RNF212B: variants seen among roughly 807,000 people sequenced by gnomAD.
The protein encoded by RNF212B is E3 ubiquitin-protein ligase RNF212B.
In RNF212B, 52 loss-of-function variants were observed where a neutral mutation model predicts 55.5. That is an observed-to-expected ratio of 0.94 (90% CI 0.75 to 1.18). RNF212B has a LOEUF of 1.18. Among genes scored for constraint, RNF212B ranks in the 50% most tolerant of loss-of-function variants. RNF212B has a pLI of 0.00. For missense variants in RNF212B, 289 were observed against 350.4 expected (o/e 0.82, Z 1.40); for synonymous variants, 99 against 121.4 (o/e 0.82, Z 1.21).
intron 4 of RNF212B, among the ~76,000 whole-genome samples, chr14:23,245,935 G>A (rs1048957474): frequency 1.3e-5 from 2 of 152,130 alleles, no homozygotes; most frequent in Admixed American, 1.3e-4. Context: ...ATGAATGAAT[G>A]AATGGAATGT....
chr14:23,191,372 A>G (rs560197838), intron 1 of RNF212B, among the ~76,000 whole-genome samples: 1 of 151,410 alleles, frequency 6.6e-6, no homozygotes, highest in African/African-American at 2.4e-5. Context: ...AAAAAAAGCA[A>G]GAAAGTCCAC....
intron 2 of RNF212B, among the ~76,000 whole-genome samples, chr14:23,212,080 A>G (rs1259792616): frequency 1.3e-5 from 2 of 152,196 alleles, no homozygotes; most frequent in Admixed American, 1.3e-4. Flanking sequence ...ACACAATCCA[A>G]TATCCAATCC....
intron 2 of RNF212B, among the ~76,000 whole-genome samples, chr14:23,197,894 G>A (rs1878887444): frequency 6.6e-6 from 1 of 151,968 alleles, no homozygotes; most frequent in Non-Finnish European, 1.5e-5. Context: ...TAGGATTTGG[G>A]AAGGTAATGG....
chr14:23,241,878 T>C (rs923863529), intron 2 of RNF212B, among the ~76,000 whole-genome samples: 1 of 150,640 alleles, frequency 6.6e-6, no homozygotes, highest in African/African-American at 2.4e-5. Context: ...GGTCGGGAGA[T>C]TGAGACCATC....
At chr14:23,232,398 TCCGCCCGGCAGCCGCC>T (rs1447636935) in intron 2 of RNF212B, among the ~76,000 whole-genome samples, 46 of 148,538 alleles carry the variant, frequency 3.1e-4, no homozygotes, top group African/African-American at 1.1e-3. Flanking sequence ...GAGGATCCCC[TCCGCCCGGCAGCCGCC>T]CTGTCTGAGA....
At chr14:23,186,014 C>T (rs1030611551) in intron 1 of RNF212B, among the ~76,000 whole-genome samples, 10 of 152,042 alleles carry the variant, frequency 6.6e-5, no homozygotes, top group African/African-American at 1.4e-4. Flanking sequence ...GTGGGAGGAT[C>T]GTGTGAGCCA....
chr14:23,232,046 G>A (rs1332257509), intron 2 of RNF212B, among the ~76,000 whole-genome samples: 1 of 152,228 alleles, frequency 6.6e-6, no homozygotes, highest in Non-Finnish European at 1.5e-5. Flanking sequence ...CGAGATTGCA[G>A]CCTCTGCCCG....
intron 14 of RNF212B, among the ~76,000 whole-genome samples, chr14:23,271,880 T>A (rs1886110892): frequency 6.6e-6 from 1 of 152,192 alleles, no homozygotes; most frequent in Admixed American, 6.5e-5. Flanking sequence ...TATTAAATAA[T>A]TGTTAACATT....
chr14:23,197,915 T>C (rs1465485429), intron 2 of RNF212B, among the ~76,000 whole-genome samples: 1 of 151,868 alleles, frequency 6.6e-6, no homozygotes, highest in African/African-American at 2.4e-5. Context: ...AAAATTACAG[T>C]CAAAGGGGGT....
chr14:23,261,412 G>T (rs1381872958), intron 7 of RNF212B: 1 of 152,322 alleles, frequency 6.6e-6, no homozygotes, highest in Non-Finnish European at 1.5e-5. Flanking sequence ...TTTAAGAGAA[G>T]TTACTATTTA....
intron 4 of RNF212B, among the ~76,000 whole-genome samples, chr14:23,248,966 A>G (rs1320496707): frequency 6.6e-6 from 1 of 152,158 alleles, no homozygotes; most frequent in East Asian, 1.9e-4. Context: ...CTGCTGTTGT[A>G]GCATGGAAGC....
chr14:23,194,191 AG>A (rs1433119312), intron 2 of RNF212B, among the ~76,000 whole-genome samples: 1 of 152,218 alleles, frequency 6.6e-6, no homozygotes. Flanking sequence ...AATAGGTAGC[AG>A]ACAAGCACTA....
chr14:23,239,271 G>A (rs1450791462), intron 1 of RNF212B, among the ~76,000 whole-genome samples: 1 of 152,174 alleles, frequency 6.6e-6, no homozygotes, highest in Non-Finnish European at 1.5e-5. Flanking sequence ...CGTTGGCCAG[G>A]CTGGTCTTGA....
intron 11 of RNF212B, among the ~76,000 whole-genome samples, chr14:23,268,253 C>A (rs866009601): frequency 1.3e-5 from 2 of 152,092 alleles, no homozygotes; most frequent in Admixed American, 1.3e-4. Flanking sequence ...GGAATGAATC[C>A]TTCAAAAAGC....
rs1352393060 is a variant in RNF212B, at chr14:23,264,690, G to C, written c.634+19G>C. 27 of 1,273,730 alleles carry C rather than the reference G, an allele frequency of 2.1e-5. No homozygotes were observed. The highest frequency in any genetic ancestry group is 2.7e-5 in the Non-Finnish European group (27 of 1,000,130). The allele number at this position is 1,273,730 out of a possible 1,614,324, so 78.9% of individuals were successfully genotyped here. On this transcript the variant is annotated intron_variant, in intron 11 of 14. Coordinates refer to ENST00000430154, the MANE Select transcript of RNF212B (RefSeq NM_001282322.3). ...TATAATGGTGAGGTGGGGGGAAAAG[G>C]GTGTCAGAAATCAACTTACTCTATG...
intron 2 of RNF212B, among the ~76,000 whole-genome samples, chr14:23,232,736 TG>T (rs1299101331): frequency 0.011 from 850 of 78,962 alleles, 10 homozygotes; most frequent in African/African-American, 0.036. Flanking sequence ...GGGAGGGAGG[TG>T]GGGGGGTCAG....
At chr14:23,217,601 A>G (rs1881213209) in intron 2 of RNF212B, among the ~76,000 whole-genome samples, 1 of 152,110 alleles carries the variant, frequency 6.6e-6, no homozygotes, top group Non-Finnish European at 1.5e-5. Context: ...TGGGGGAGAA[A>G]GTAAGGGAAA....
chr14:23,249,879 C>T (rs1038237679), intron 4 of RNF212B, among the ~76,000 whole-genome samples: 5 of 152,116 alleles, frequency 3.3e-5, no homozygotes, highest in African/African-American at 1.2e-4. Context: ...CCCTCTGAAC[C>T]GTCACGATAA....
At chr14:23,223,220 T>C (rs1881721223) in intron 2 of RNF212B, among the ~76,000 whole-genome samples, 1 of 152,108 alleles carries the variant, frequency 6.6e-6, no homozygotes, top group Non-Finnish European at 1.5e-5. Flanking sequence ...AAATAGCACT[T>C]GATAAAGTTC....
Sources: gnomAD v4.1 joint callset for allele counts (sites outside exome capture counted in the v4.1 genomes callset) on GRCh38, gnomAD v4.1.1 for gene constraint, MANE v1.5 for transcripts, NCBI Gene and HGNC (gene_info 2026-07-23, HGNC 2026-07-21) for gene names.